C12orf42: variants seen among roughly 807,000 people sequenced by gnomAD.
C12orf42 encodes the protein uncharacterized protein C12orf42.
A neutral mutation model predicts 21.6 loss-of-function variants in C12orf42; 25 were observed. That is an observed-to-expected ratio of 1.16 (90% CI 0.84 to 1.62). The LOEUF (loss-of-function observed/expected upper bound fraction) is 1.62, where lower values mean the gene tolerates loss of function less well. Among genes scored for constraint, C12orf42 ranks in the 40% most tolerant of loss-of-function variants. The probability of loss-of-function intolerance (pLI) is 0.00; values close to 1 mark genes in which losing one functional copy is unlikely to be tolerated. For synonymous variants in C12orf42, 174 were observed against 175.0 expected, an observed-to-expected ratio of 0.99 and a Z score of 0.05; for missense variants, 483 against 459.3, an observed-to-expected ratio of 1.05 and a Z score of -0.47.
the C12orf42 span, among the ~76,000 whole-genome samples, chr12:103,105,694 A>AAT: frequency 3.6e-3 from 545 of 152,350 alleles, 1 homozygote; most frequent in African/African-American, 0.012. Flanking sequence ...AAACTCAGAC[A>AAT]GTAGATTAGA....
intron 2 of C12orf42, among the ~76,000 whole-genome samples, chr12:103,412,575 A>C (rs1200488161): frequency 1.3e-5 from 2 of 152,212 alleles, no homozygotes; most frequent in Non-Finnish European, 2.9e-5. Context: ...AAGCTGAGGC[A>C]GGAGAATCAC....
chr12:103,378,062 C>T (rs999014900), intron 3 of C12orf42, among the ~76,000 whole-genome samples: 5 of 151,982 alleles, frequency 3.3e-5, no homozygotes, highest in African/African-American at 7.3e-5. Flanking sequence ...ATGGAAGAAG[C>T]TACTCAAAGC....
the C12orf42 span, among the ~76,000 whole-genome samples, chr12:103,118,647 G>C: frequency 6.6e-6 from 1 of 151,282 alleles, no homozygotes; most frequent in Non-Finnish European, 1.5e-5. Flanking sequence ...AAATACAAAA[G>C]ATTAGCCAGG....
At chr12:103,093,990 G>A in the C12orf42 span, among the ~76,000 whole-genome samples, 1 of 152,208 alleles carries the variant, frequency 6.6e-6, no homozygotes, top group Non-Finnish European at 1.5e-5. Context: ...GCGTGGTGCT[G>A]TGGGAGGAAA....
chr12:103,480,105 A>C (rs1442331991), intron 1 of C12orf42, among the ~76,000 whole-genome samples: 1 of 151,858 alleles, frequency 6.6e-6, no homozygotes, highest in African/African-American at 2.4e-5. Flanking sequence ...CTATTAATTC[A>C]ATTTATTTAA....
At chr12:103,125,705 G>A in the C12orf42 span, among the ~76,000 whole-genome samples, 1 of 152,058 alleles carries the variant, frequency 6.6e-6, no homozygotes, top group African/African-American at 2.4e-5. Flanking sequence ...TGAGGACCCC[G>A]GGTCAGATGA....
chr12:103,252,686 G>A (rs1269117881), intron 10 of C12orf42, among the ~76,000 whole-genome samples: 1 of 152,072 alleles, frequency 6.6e-6, no homozygotes, highest in Non-Finnish European at 1.5e-5. Context: ...TGTAGATTCT[G>A]GATATTAGCC....
intron 4 of C12orf42, among the ~76,000 whole-genome samples, chr12:103,312,322 C>T (rs147254310): frequency 1.3e-4 from 20 of 152,224 alleles, no homozygotes; most frequent in African/African-American, 4.8e-4. Context: ...CTTGATGAAG[C>T]GAGGTGGATG....
the C12orf42 span, among the ~76,000 whole-genome samples, chr12:103,205,753 G>A: frequency 6.6e-6 from 1 of 151,878 alleles, no homozygotes; most frequent in Admixed American, 6.6e-5. Context: ...GGTGAATTGG[G>A]GTATAATCAT....
chr12:103,533,546 C>T, the C12orf42 span, among the ~76,000 whole-genome samples: 1 of 152,140 alleles, frequency 6.6e-6, no homozygotes, highest in Non-Finnish European at 1.5e-5. Context: ...AACCAAAGCT[C>T]ACACTGTATT....
At chr12:103,357,853 C>G (rs4764955) in intron 4 of C12orf42, among the ~76,000 whole-genome samples, 69,039 of 151,952 alleles carry the variant, frequency 0.45, 17,062 homozygotes, top group East Asian at 0.66. Flanking sequence ...ACTCTAGGTG[C>G]TGTTATCAAT....
chr12:103,544,666 TCCTAA>T, the C12orf42 span, among the ~76,000 whole-genome samples: 1 of 152,218 alleles, frequency 6.6e-6, no homozygotes, highest in East Asian at 1.9e-4. Flanking sequence ...CTTATGTGTC[TCCTAA>T]CCTTTCTTAA....
At chr12:103,269,525 T>C (rs959673274) in intron 6 of C12orf42, among the ~76,000 whole-genome samples, 1 of 152,168 alleles carries the variant, frequency 6.6e-6, no homozygotes, top group African/African-American at 2.4e-5. Context: ...GGTTGACTGT[T>C]CTGTTATCAA....
At chr12:103,462,095 G>GTTTTTTTT (rs1565867930) in intron 2 of C12orf42, among the ~76,000 whole-genome samples, 2 of 31,482 alleles carry the variant, frequency 6.4e-5, no homozygotes, top group Non-Finnish European at 1.4e-4. Flanking sequence ...TTTTTTGCTT[G>GTTTTTTTT]GTTTTTTTTT....
the C12orf42 span, among the ~76,000 whole-genome samples, chr12:103,555,658 G>A: frequency 5.9e-5 from 9 of 152,106 alleles, no homozygotes; most frequent in Non-Finnish European, 1.2e-4. Flanking sequence ...AAGCTCAGGC[G>A]CCACCCTAGA....
chr12:103,327,616 A>G (rs1296361267), intron 4 of C12orf42, among the ~76,000 whole-genome samples: 1 of 152,232 alleles, frequency 6.6e-6, no homozygotes, highest in East Asian at 1.9e-4. Flanking sequence ...AATTAAGACC[A>G]GGTGTTGAAG....
the C12orf42 span, among the ~76,000 whole-genome samples, chr12:103,186,439 C>T: frequency 1.1e-4 from 17 of 152,238 alleles, no homozygotes; most frequent in Admixed American, 3.3e-4. Flanking sequence ...TTCATCCACG[C>T]ACTTAAAATT....
the C12orf42 span, among the ~76,000 whole-genome samples, chr12:103,048,123 G>C: frequency 6.6e-6 from 1 of 152,026 alleles, no homozygotes; most frequent in Non-Finnish European, 1.5e-5. Context: ...GAAGGCAAAG[G>C]AGGGGAAATG....
chr12:103,092,048 T>G, the C12orf42 span, among the ~76,000 whole-genome samples: 1 of 152,172 alleles, frequency 6.6e-6, no homozygotes, highest in Non-Finnish European at 1.5e-5. Context: ...AAGCAGATTT[T>G]TGTTTGTTTG....
Sources: gnomAD v4.1 joint callset for allele counts (sites outside exome capture counted in the v4.1 genomes callset) on GRCh38, gnomAD v4.1.1 for gene constraint, MANE v1.5 for transcripts, NCBI Gene and HGNC (gene_info 2026-07-23, HGNC 2026-07-21) for gene names.